The following SYNDIG1 variants were observed in gnomAD, a reference collection of about 807,000 sequenced individuals.
SYNDIG1 encodes the protein synapse differentiation-inducing gene protein 1.
Under a neutral mutation model 19.4 loss-of-function variants are expected in SYNDIG1, and 9 were observed. That is an observed-to-expected ratio of 0.46 (90% confidence interval 0.28 to 0.81). The LOEUF (loss-of-function observed/expected upper bound fraction) is 0.81. SYNDIG1 is among the 30% of genes least tolerant of loss of function. The pLI is 0.12. For synonymous variants in SYNDIG1, 141 were observed against 145.9 expected, an observed-to-expected ratio of 0.97 and a Z score of 0.24; for missense variants, 311 against 343.3, an observed-to-expected ratio of 0.91 and a Z score of 0.74.
At chr20:24,512,145 ATATATATATG>A (rs1968297735) in intron 1 of SYNDIG1, among the ~76,000 whole-genome samples, 1 of 118,914 alleles carries the variant, frequency 8.4e-6, no homozygotes, top group South Asian at 2.8e-4. Flanking sequence ...ATATATATAT[ATATATATATG>A]CAGTGGTTCC....
At chr20:24,485,139 C>G (rs941662106) in intron 1 of SYNDIG1, among the ~76,000 whole-genome samples, 4 of 152,200 alleles carry the variant, frequency 2.6e-5, no homozygotes, top group African/African-American at 4.8e-5. Context: ...CTTGAACTTC[C>G]CAGCTACAGA....
chr20:24,525,294 T>C (rs1038724739), intron 1 of SYNDIG1, among the ~76,000 whole-genome samples: 28 of 145,666 alleles, frequency 1.9e-4, no homozygotes, highest in African/African-American at 2.5e-4. Context: ...TTCTTTTTTT[T>C]TTTTTTTTTT....
intron 1 of SYNDIG1, among the ~76,000 whole-genome samples, chr20:24,513,180 A>G (rs1316177689): frequency 1.3e-5 from 2 of 152,194 alleles, no homozygotes; most frequent in African/African-American, 4.8e-5. Context: ...TGGGTAAAAA[A>G]CAGAGCAGAA....
At chr20:24,500,518 CT>C (rs11313105) in intron 1 of SYNDIG1, among the ~76,000 whole-genome samples, 1,328 of 113,482 alleles carry the variant, frequency 0.012, 12 homozygotes, top group Admixed American at 0.055. Context: ...TTCTTTCTTT[CT>C]TTCTTTCTTT....
intron 3 of SYNDIG1, among the ~76,000 whole-genome samples, chr20:24,607,228 C>T (rs983098735): frequency 7.2e-5 from 11 of 152,060 alleles, no homozygotes; most frequent in Admixed American, 4.6e-4. Flanking sequence ...GGTGTGGTGG[C>T]GTGCATCTGT....
intron 2 of SYNDIG1, among the ~76,000 whole-genome samples, chr20:24,548,069 C>T (rs1369713368): frequency 6.6e-6 from 1 of 152,202 alleles, no homozygotes; most frequent in African/African-American, 2.4e-5. Context: ...CTGCCACGCC[C>T]TCCAAGTGCA....
intron 1 of SYNDIG1, among the ~76,000 whole-genome samples, chr20:24,514,580 T>A (rs2056821453): frequency 6.6e-6 from 1 of 152,240 alleles, no homozygotes; most frequent in East Asian, 1.9e-4. Flanking sequence ...GCTAACTATC[T>A]TAAATATATA....
intron 3 of SYNDIG1, among the ~76,000 whole-genome samples, chr20:24,630,036 T>C (rs2059216391): frequency 6.6e-6 from 1 of 152,206 alleles, no homozygotes; most frequent in South Asian, 2.1e-4. Context: ...CCTGTGTGAC[T>C]GCACAGGAGA....
At chr20:24,643,205 C>G (rs553527972) in intron 3 of SYNDIG1, among the ~76,000 whole-genome samples, 21 of 152,328 alleles carry the variant, frequency 1.4e-4, no homozygotes, top group Admixed American at 1.3e-3. Flanking sequence ...ACCTCCTACT[C>G]CAACAATGAG....
chr20:24,630,684 C>T (rs58736396), intron 3 of SYNDIG1, among the ~76,000 whole-genome samples: 6,794 of 152,300 alleles, frequency 0.045, 348 homozygotes, highest in East Asian at 0.24. Context: ...GGTCCTGGGT[C>T]CTGGGAGCCT....
chr20:24,519,197 G>A (rs943302890), intron 1 of SYNDIG1, among the ~76,000 whole-genome samples: 1 of 152,200 alleles, frequency 6.6e-6, no homozygotes, highest in Non-Finnish European at 1.5e-5. Flanking sequence ...AGGAGGCAGT[G>A]TGAGAGTTTA....
At chr20:24,538,679 T>G (rs572062750) in intron 1 of SYNDIG1, among the ~76,000 whole-genome samples, 1 of 152,210 alleles carries the variant, frequency 6.6e-6, no homozygotes, top group African/African-American at 2.4e-5. Flanking sequence ...ACTGCCATAC[T>G]GTTTTCCAAA....
intron 3 of SYNDIG1, among the ~76,000 whole-genome samples, chr20:24,662,983 C>G (rs967968256): frequency 2.0e-5 from 3 of 152,248 alleles, no homozygotes; most frequent in Non-Finnish European, 4.4e-5. Flanking sequence ...GGAAACGTGT[C>G]TTCCCATTTG....
At position 24,661,026 on chromosome 20, in the gene SYNDIG1, G is replaced by T. The variant is rs145970259; in HGVS notation, c.619-4320G>T. On this transcript the variant is annotated intron_variant, in intron 3 of 3. Transcript: ENST00000376862. ...TGCACCCCCACAGCCTGAGTGAAAA[G>T]CAAATGCCTTCCTTCTGTGGATGGG... 3.2e-3 allele frequency among the ~76,000 whole-genome samples: 487 copies of T among 152,360 alleles called. 5 individuals carry two copies. Among genetic ancestry groups the T allele is most frequent in the African/African-American group, 0.011 (471 of 41,590 alleles).
intron 2 of SYNDIG1, among the ~76,000 whole-genome samples, chr20:24,581,142 C>T (rs2058315471): frequency 6.6e-6 from 1 of 152,138 alleles, no homozygotes; most frequent in Non-Finnish European, 1.5e-5. Context: ...TGTGCAAACC[C>T]AGCACGCAGC....
rs990208593 is a variant in SYNDIG1, at chr20:24,658,022, C to A, written c.619-7324C>A. On this transcript the variant is annotated intron_variant, in intron 3 of 3. Transcript: ENST00000376862. This position sits in a 1 kb window ranked among gnomAD's most constrained non-coding sequence, Gnocchi z 4.4. ...CTGGCGAGGGCATAACTGCTGAGGA[C>A]CCCCAGCTGTGCTGGCCCCGGTCCA... Among the ~76,000 whole-genome samples the A allele has an allele frequency of 1.3e-5, 2 of 152,156 alleles. No homozygotes were observed. The highest frequency in any genetic ancestry group is 2.9e-5 in the Non-Finnish European group (2 of 68,038).
intron 3 of SYNDIG1, among the ~76,000 whole-genome samples, chr20:24,598,931 G>A (rs1229899679): frequency 2.0e-5 from 3 of 152,048 alleles, no homozygotes; most frequent in African/African-American, 4.8e-5. Context: ...TGGTCTAGGC[G>A]AAAGATTAAT....
chr20:24,631,485 T>A (rs983455906), intron 3 of SYNDIG1, among the ~76,000 whole-genome samples: 15 of 152,350 alleles, frequency 9.8e-5, no homozygotes, highest in Admixed American at 8.5e-4. Flanking sequence ...ACTGTCAGCC[T>A]CAAATTCAAC....
rs190171093 is a variant in SYNDIG1 at position 24,521,637 on chromosome 20, C to A, written c.-78-21383C>A. Among the ~76,000 whole-genome samples, 19 of 152,270 alleles carry A rather than the reference C, an allele frequency of 1.2e-4. No individual in the cohort carries two copies. The East Asian group carries it at 3.5e-3, about 28-fold the overall frequency. On this transcript the variant is annotated intron_variant, in intron 1 of 3. Coordinates refer to ENST00000376862, the MANE Select transcript of SYNDIG1 (RefSeq NM_024893.3). ...ACCTCGCCACACACAGTGGCTCACA[C>A]GTGTAATCCTAGCACTTTGGGAGAC...
Sources: gnomAD v4.1 joint callset for allele counts (sites outside exome capture counted in the v4.1 genomes callset) on GRCh38, gnomAD v4.1.1 for gene constraint, Gnocchi (gnomAD v3.1) non-coding constraint, MANE v1.5 for transcripts, NCBI Gene and HGNC (gene_info 2026-07-23, HGNC 2026-07-21) for gene names.